Variants in ELAPOR2 observed in about 807,000 individuals in gnomAD.
ELAPOR2 encodes endosome-lysosome associated apoptosis and autophagy regulator family member 2, also known as endosome/lysosome-associated apoptosis and autophagy regulator family member 2.
ELAPOR2 carries 89 observed loss-of-function variants against 120.7 expected under a neutral mutation model. That is an observed-to-expected ratio of 0.74 (90% CI 0.62 to 0.88). ELAPOR2 has a LOEUF of 0.88. ELAPOR2 is among the 40% of genes least tolerant of loss of function. ELAPOR2 has a pLI of 0.00. For missense variants in ELAPOR2, 1,134 were observed against 1,251.6 expected (o/e 0.91, Z 1.42); for synonymous variants, 444 against 444.9 (o/e 1.00, Z 0.03).
intron 13 of ELAPOR2, 62 bp from the exon 14 acceptor site, chr7:86,913,266 T>C: frequency 1.3e-6 from 2 of 1,510,266 alleles, no homozygotes; most frequent in Non-Finnish European, 1.8e-6. Context: ...AACCAGATTA[T>C]GTCTTCTGTT....
intron 1 of ELAPOR2, among the ~76,000 whole-genome samples, chr7:87,025,081 A>G (rs905337193): frequency 3.9e-5 from 6 of 152,038 alleles, no homozygotes; most frequent in Admixed American, 1.3e-4. Flanking sequence ...AGTCAGAATT[A>G]TAGAAGGCTA....
At chr7:86,945,385 C>G (rs886574056) in intron 3 of ELAPOR2, among the ~76,000 whole-genome samples, 1 of 152,136 alleles carries the variant, frequency 6.6e-6, no homozygotes, top group Non-Finnish European at 1.5e-5. Context: ...TAAACCCATA[C>G]ACATGGCAAA....
chr7:86,883,625 G>A (rs968491614), intron 21 of ELAPOR2, among the ~76,000 whole-genome samples: 53 of 152,130 alleles, frequency 3.5e-4, no homozygotes, highest in African/African-American at 1.3e-3. Flanking sequence ...TCTGAGTAAA[G>A]TAAAATGTAC....
chr7:86,931,628 G>A (rs950337662), intron 8 of ELAPOR2, among the ~76,000 whole-genome samples: 2 of 151,028 alleles, frequency 1.3e-5, no homozygotes, highest in African/African-American at 2.4e-5. Flanking sequence ...TTCAACAGAC[G>A]TTTCACTACC....
At chr7:86,939,077 C>A in intron 6 of ELAPOR2, 117 bp from the exon 7 acceptor site, 3 of 1,068,742 alleles carry the variant, frequency 2.8e-6, no homozygotes, top group East Asian at 2.5e-5. Context: ...AAGGTCAGCC[C>A]AAATCTTTTA....
intron 1 of ELAPOR2, among the ~76,000 whole-genome samples, chr7:87,007,445 T>G (rs577677362): frequency 6.6e-6 from 1 of 152,280 alleles, no homozygotes; most frequent in Non-Finnish European, 1.5e-5. Context: ...AAACTTGTAG[T>G]TTTTAATATG....
chr7:86,936,962 T>C (rs1790586604), intron 8 of ELAPOR2, among the ~76,000 whole-genome samples: 1 of 152,122 alleles, frequency 6.6e-6, no homozygotes, highest in Non-Finnish European at 1.5e-5. Flanking sequence ...TTTGCCTTAC[T>C]TATTAATAAG....
intron 18 of ELAPOR2, among the ~76,000 whole-genome samples, chr7:86,901,079 TG>T (rs1788702234): frequency 6.6e-6 from 1 of 152,220 alleles, no homozygotes; most frequent in Non-Finnish European, 1.5e-5. Context: ...AGTGAATAAA[TG>T]CCTAAAGAGA....
At chr7:87,015,777 A>T (rs1793847322) in intron 1 of ELAPOR2, among the ~76,000 whole-genome samples, 1 of 152,180 alleles carries the variant, frequency 6.6e-6, no homozygotes, top group East Asian at 1.9e-4. Flanking sequence ...GTGAGCCAAG[A>T]TCACGCCACT....
chr7:86,938,323 C>T (rs1211710398), intron 7 of ELAPOR2, 109 bp from the exon 8 acceptor site: 10 of 768,704 alleles, frequency 1.3e-5, no homozygotes, highest in Non-Finnish European at 2.2e-5. Context: ...ATAAACTTAC[C>T]AGGGCAATTT....
At chr7:87,041,719 C>G (rs1378298702) in intron 1 of ELAPOR2, among the ~76,000 whole-genome samples, 5 of 151,350 alleles carry the variant, frequency 3.3e-5, no homozygotes, top group Non-Finnish European at 7.4e-5. Flanking sequence ...AGCAAAATAA[C>G]CAGCTAACAT....
chr7:86,940,582 T>C (rs1790759598), intron 5 of ELAPOR2, among the ~76,000 whole-genome samples: 1 of 152,006 alleles, frequency 6.6e-6, no homozygotes, highest in African/African-American at 2.4e-5. Context: ...CAAGAAAAAA[T>C]AGGAATGTTC....
At chr7:86,996,982 T>A (rs1365693490) in intron 1 of ELAPOR2, among the ~76,000 whole-genome samples, 4 of 152,178 alleles carry the variant, frequency 2.6e-5, no homozygotes, top group African/African-American at 7.2e-5. Context: ...AAATCCAAAG[T>A]CACAAATTTA....
intron 12 of ELAPOR2, among the ~76,000 whole-genome samples, chr7:86,915,659 A>C (rs1359261262): frequency 6.6e-6 from 1 of 150,508 alleles, no homozygotes; most frequent in African/African-American, 2.4e-5. Flanking sequence ...TAGATCACTT[A>C]GGAATTTGGA....
At chr7:87,043,798 T>A (rs1472069467) in intron 1 of ELAPOR2, among the ~76,000 whole-genome samples, 2 of 151,308 alleles carry the variant, frequency 1.3e-5, no homozygotes, top group Non-Finnish European at 3.0e-5. Flanking sequence ...GGTATTCAAT[T>A]AGGAAAAGAG....
At chr7:87,035,324 A>G (rs371003623) in intron 1 of ELAPOR2, among the ~76,000 whole-genome samples, 28 of 152,302 alleles carry the variant, frequency 1.8e-4, no homozygotes, top group African/African-American at 6.7e-4. Context: ...CAGAGTATAA[A>G]GACAAAGCTC....
At chr7:86,968,270 C>T (rs947109086) in intron 1 of ELAPOR2, among the ~76,000 whole-genome samples, 14 of 152,078 alleles carry the variant, frequency 9.2e-5, no homozygotes, top group South Asian at 2.1e-4. Flanking sequence ...CCCTTGGAAA[C>T]GGAAATTTTC....
rs1462708160 is a variant in ELAPOR2 at position 86,999,754 on chromosome 7, G to A, written c.190-34730C>T. Among the ~76,000 whole-genome samples, 3 of 152,126 alleles carry A rather than the reference G, an allele frequency of 2.0e-5. No homozygotes were observed. In the East Asian group the frequency reaches 5.8e-4, roughly 29 times the overall value. ...TGTATTTTAAGAGGATGAATCTAGAGTATATTGAACAGATTCTATTCCTCC... is the reference window on the plus strand; with the variant it reads ...TGTATTTTAAGAGGATGAATCTAGAATATATTGAACAGATTCTATTCCTCC... On this transcript the variant is annotated intron_variant, in intron 1 of 21. Transcript: ENST00000450689.
intron 1 of ELAPOR2, among the ~76,000 whole-genome samples, chr7:87,025,586 A>C (rs1794216757): frequency 6.6e-6 from 1 of 152,052 alleles, no homozygotes; most frequent in Non-Finnish European, 1.5e-5. Flanking sequence ...TGGTGCACAC[A>C]TAACCAATTG....
Sources: allele counts gnomAD v4.1 joint callset (sites outside exome capture counted in the v4.1 genomes callset), GRCh38; gene constraint gnomAD v4.1.1; transcripts MANE v1.5; gene names NCBI Gene and HGNC (gene_info 2026-07-23, HGNC 2026-07-21).